The following NTM variants were observed in gnomAD, a reference collection of about 807,000 sequenced individuals.
NTM encodes the protein neurotrimin, also known as IgLON family member 2.
In NTM, 13 loss-of-function variants were observed where a neutral mutation model predicts 42.1. The observed-to-expected ratio is 0.31, with a 90% CI of 0.20 to 0.49. The LOEUF (loss-of-function observed/expected upper bound fraction) is 0.49. NTM is among the 20% of genes least tolerant of loss of function. The pLI is 0.99. For missense variants in NTM, 373 were observed against 452.8 expected (o/e 0.82, Z 1.60); for synonymous variants, 187 against 179.2 (o/e 1.04, Z -0.35).
intron 6 of NTM, among the ~76,000 whole-genome samples, chr11:132,312,143 C>T (rs1157571174): frequency 1.3e-5 from 2 of 152,194 alleles, no homozygotes; most frequent in East Asian, 3.9e-4. Flanking sequence ...ATCCCTGCCT[C>T]TGAGGTCCTG....
intron 4 of NTM, among the ~76,000 whole-genome samples, chr11:132,302,870 C>T (rs781316987): frequency 4.6e-5 from 7 of 152,142 alleles, no homozygotes; most frequent in Admixed American, 6.5e-5. Context: ...GAGGCTTGAG[C>T]GAAATCACTA....
In NTM at chr11:131,679,543, C is replaced by G. The variant is rs541978095; in HGVS notation, c.83-232021C>G. Among the ~76,000 whole-genome samples the G allele has an allele frequency of 2.6e-5, 4 of 152,080 alleles. No homozygotes were observed. The East Asian group carries it at 7.7e-4, about 29-fold the overall frequency. On this transcript the variant is annotated intron_variant, in intron 1 of 8. Transcript: ENST00000683400. Reference sequence around the variant, plus strand: ...CAGAAGTGCGGGCATGCTGCCTGCCCAGCTTTCAGCGGTGCCTTTCCCAGG... The same window carrying G: ...CAGAAGTGCGGGCATGCTGCCTGCCGAGCTTTCAGCGGTGCCTTTCCCAGG...
intron 2 of NTM, among the ~76,000 whole-genome samples, chr11:132,101,310 G>T (rs1441184600): frequency 2.0e-5 from 3 of 152,100 alleles, no homozygotes; most frequent in Non-Finnish European, 4.4e-5. Flanking sequence ...CCATTTCTAG[G>T]TGGCATCCAC....
At chr11:131,373,887 G>C (rs905906951) in intron 1 of NTM, among the ~76,000 whole-genome samples, 1 of 152,228 alleles carries the variant, frequency 6.6e-6, no homozygotes, top group Non-Finnish European at 1.5e-5. Flanking sequence ...GAAGGAAAAG[G>C]TGCCTCGGCA....
At chr11:132,165,909 G>C (rs2075194856) in intron 3 of NTM, among the ~76,000 whole-genome samples, 1 of 152,028 alleles carries the variant, frequency 6.6e-6, no homozygotes, top group South Asian at 2.1e-4. Context: ...TGATACTACT[G>C]TACAGTGCCT....
At chr11:131,813,583 T>C (rs1330946000) in intron 1 of NTM, among the ~76,000 whole-genome samples, 2 of 152,304 alleles carry the variant, frequency 1.3e-5, no homozygotes, top group South Asian at 4.1e-4. Context: ...GACTTTTCCA[T>C]AGGTAGATGT....
intron 1 of NTM, among the ~76,000 whole-genome samples, chr11:131,521,856 CCT>C (rs1174878236): frequency 2.6e-5 from 4 of 152,052 alleles, no homozygotes; most frequent in Non-Finnish European, 5.9e-5. Flanking sequence ...ATTAAGACCC[CCT>C]GTTTCCATTC....
chr11:132,327,387 T>C (rs939380757), intron 7 of NTM, among the ~76,000 whole-genome samples: 3 of 152,228 alleles, frequency 2.0e-5, no homozygotes, highest in African/African-American at 7.2e-5. Context: ...TAAAGTAAAC[T>C]CTGTATATCA....
At chr11:131,727,620 A>G (rs2079120420) in intron 1 of NTM, among the ~76,000 whole-genome samples, 1 of 152,194 alleles carries the variant, frequency 6.6e-6, no homozygotes, top group East Asian at 1.9e-4. Context: ...GACAACATCT[A>G]AGGACAATCA....
intron 1 of NTM, chr11:131,910,134 TTGTGGGGGGCTGC>T (rs1019141016): frequency 6.6e-5 from 10 of 152,220 alleles, no homozygotes; most frequent in Admixed American, 2.6e-4. Context: ...TTGAGCAGCT[TTGTGGGGGGCTGC>T]TGGGCGGGTG....
At chr11:131,562,626 C>A (rs2056384107) in intron 1 of NTM, among the ~76,000 whole-genome samples, 1 of 152,190 alleles carries the variant, frequency 6.6e-6, no homozygotes, top group Admixed American at 6.5e-5. Context: ...AGGCGCTCTT[C>A]CCCTGTCTAA....
intron 1 of NTM, among the ~76,000 whole-genome samples, chr11:131,641,339 G>T (rs2065105257): frequency 6.6e-6 from 1 of 152,200 alleles, no homozygotes; most frequent in South Asian, 2.1e-4. Flanking sequence ...TTGATAAAAA[G>T]AGGGGAGTTA....
intron 1 of NTM, among the ~76,000 whole-genome samples, chr11:131,899,959 A>C (rs1157206547): frequency 1.3e-5 from 2 of 152,252 alleles, no homozygotes; most frequent in Non-Finnish European, 2.9e-5. Flanking sequence ...GGTCACTTAA[A>C]TACAACAAAT....
chr11:131,765,217 A>G lies in NTM; in HGVS notation c.83-146347A>G, dbSNP rs542210723. On this transcript the variant is annotated intron_variant, in intron 1 of 8. Coordinates refer to ENST00000683400, the MANE Select transcript of NTM (RefSeq NM_001352005.2). ...AGCCAGCCCGATCACCTTAAAATGCAAAGCTGATGCCATTATTGCCCTTCT... is the reference window on the plus strand; with the variant it reads ...AGCCAGCCCGATCACCTTAAAATGCGAAGCTGATGCCATTATTGCCCTTCT... 2.6e-5 allele frequency among the ~76,000 whole-genome samples: 4 copies of G among 152,268 alleles called. No individual in the cohort carries two copies. The South Asian group carries it at 8.3e-4, about 32-fold the overall frequency.
At chr11:131,761,552 C>A (rs568999598) in intron 1 of NTM, among the ~76,000 whole-genome samples, 1 of 152,114 alleles carries the variant, frequency 6.6e-6, no homozygotes, top group African/African-American at 2.4e-5. Flanking sequence ...GCCTGTTATC[C>A]CTGCACTTTG....
chr11:131,498,017 G>A lies in NTM; in HGVS notation c.82+127129G>A, dbSNP rs188799748. ...AGACTCAGCAGTAGGGACTAGCTGCGTTAGGAATAAGACCTCCTTCCCCTC... is the reference window on the plus strand; with the variant it reads ...AGACTCAGCAGTAGGGACTAGCTGCATTAGGAATAAGACCTCCTTCCCCTC... On this transcript the variant is annotated intron_variant, in intron 1 of 8. Coordinates refer to ENST00000683400, the MANE Select transcript of NTM (RefSeq NM_001352005.2). Among the ~76,000 whole-genome samples, 596 of 152,318 alleles carry A rather than the reference G, an allele frequency of 3.9e-3. 5 individuals are homozygous for A. The highest frequency in any genetic ancestry group is 0.014 in the African/African-American group (568 of 41,572).
At chr11:131,882,114 G>A (rs1178514834) in intron 1 of NTM, among the ~76,000 whole-genome samples, 1 of 152,216 alleles carries the variant, frequency 6.6e-6, no homozygotes, top group South Asian at 2.1e-4. Context: ...GAATACATAT[G>A]TACATTAGTC....
At chr11:131,547,308 GTAACATT>G (rs922623387) in intron 1 of NTM, among the ~76,000 whole-genome samples, 5 of 152,000 alleles carry the variant, frequency 3.3e-5, no homozygotes, top group Non-Finnish European at 7.4e-5. Flanking sequence ...ATCAAACAAA[GTAACATT>G]TAACAAAAAG....
chr11:132,118,812 G>T (rs1434803976), intron 2 of NTM, among the ~76,000 whole-genome samples: 2 of 152,164 alleles, frequency 1.3e-5, no homozygotes, highest in Non-Finnish European at 1.5e-5. Flanking sequence ...ACATGTAATT[G>T]CTTCAAATGA....
Sources: allele counts gnomAD v4.1 joint callset (sites outside exome capture counted in the v4.1 genomes callset), GRCh38; gene constraint gnomAD v4.1.1; transcripts MANE v1.5; gene names NCBI Gene and HGNC (gene_info 2026-07-23, HGNC 2026-07-21).